Variants in NRARP observed in about 807,000 individuals in gnomAD.
NRARP encodes NOTCH regulated ankyrin repeat protein.
For missense variants in NRARP, 83 were observed against 161.1 expected (o/e 0.52, Z 2.62); for synonymous variants, 81 against 77.4 (o/e 1.05, Z -0.25).
In NRARP at chr9:137,300,690, T is replaced by TC. The variant is rs1830941035; in HGVS notation, c.*893_*894insG. The TC allele has an allele frequency of 6.8e-6, 1 of 147,064 alleles. No homozygotes were observed. The highest frequency in any genetic ancestry group is 2.2e-4 in the South Asian group (1 of 4,546). 9.1% of individuals were successfully genotyped at this position (147,064 alleles called of 1,614,324 possible). On this transcript the variant is annotated 3_prime_UTR_variant, in exon 1 of 1. Transcript: ENST00000356628. ...GGGGAAACTGCAAAACAAGCCGGTT[T>TC]GGGGGATGGTGGCCTCATCCAGGAG...
rs1414977937 is a variant in NRARP, at chr9:137,301,595, T to C, written c.334A>G (p.Ser112Gly). Residue 112 changes from serine (S) to glycine (G), a missense_variant, in exon 1 of 1, where the codon AGC becomes GGC. Physicochemically the swap from Ser to Gly is moderately conservative, Grantham distance 56. Transcript: ENST00000356628. This position sits in a 1 kb window ranked among gnomAD's most constrained non-coding sequence, Gnocchi z 9.1. Reference protein sequence around the residue: ...YLITKAKYAASGR With the variant: ...YLITKAKYAAGGR ...GGTCCCGGCGGGCATCACCGGCCGC[T>C]GGCCGCGTACTTCGCCTTGGTGATG... The C allele has an allele frequency of 6.4e-7, 1 of 1,568,318 alleles. No individual in the cohort carries two copies. Among genetic ancestry groups the C allele is most frequent in the East Asian group, 2.3e-5 (1 of 42,888 alleles).
rs1420816633 is a variant in NRARP, at chr9:137,301,857, C to T, written c.72G>A (p.Lys24=). The T allele has an allele frequency of 1.3e-6, 2 of 1,594,350 alleles. No individual in the cohort carries two copies. Among genetic ancestry groups the T allele is most frequent in the Non-Finnish European group, 1.7e-6 (2 of 1,175,338 alleles). The change falls in exon 1 of 1, where the codon AAG becomes AAA. Residue 24 remains lysine (K), a synonymous_variant. Coordinates refer to ENST00000356628, the MANE Select transcript of NRARP (RefSeq NM_001004354.3). This position sits in a 1 kb window ranked among gnomAD's most constrained non-coding sequence, Gnocchi z 9.1. ...TQRIFQEAVR[K]GNTQELQSLL... is the part of the protein sequence containing the mutation. ...GCGACTGCAGCTCCTGCGTGTTGCC[C>T]TTGCGCACAGCCTCCTGGAAGATGC...
chr9:137,301,818 C>G lies in NRARP; in HGVS notation c.111G>C (p.Met37Ile). 6.2e-7 allele frequency: 1 copy of G among 1,604,798 alleles called. No individual in the cohort carries two copies. The change falls in exon 1 of 1, where the codon ATG becomes ATC. Residue 37 changes from methionine to isoleucine, a missense_variant. By Grantham distance (10) the Met-to-Ile change is conservative. Transcript: ENST00000356628. The surrounding 1 kb of genome is among the most constrained non-coding windows in gnomAD (Gnocchi z 9.1). ...AGTTCACGTTGAACTCGCAGTTGGT[C>G]ATGTTCTGCAGCAGCGACTGCAGCT... ...TQELQSLLQN[M>I]TNCEFNVNSF...
At position 137,300,062 on chromosome 9, in the gene NRARP, T is replaced by C. The variant is rs1307991205; in HGVS notation, c.*1522A>G. 6.6e-6 allele frequency among the ~76,000 whole-genome samples: 1 copy of C among 152,198 alleles called. No individual in the cohort carries two copies. The highest frequency in any genetic ancestry group is 1.5e-5 in the Non-Finnish European group (1 of 68,040). The stretch of plus-strand genomic sequence containing the variant: ...GCACGAAGGGTCAGCAGCACTTCCA[T>C]GAAGGGGAAACCTCATTTAAATTTG... On this transcript the variant is annotated 3_prime_UTR_variant, in exon 1 of 1. Coordinates refer to ENST00000356628, the MANE Select transcript of NRARP (RefSeq NM_001004354.3).
In NRARP at chr9:137,299,819, C is replaced by T. The variant is rs1432106066; in HGVS notation, c.*1765G>A. ...CCTAGAAAGTCTTAACATTAATTAA[C>T]ATAATTAAAAAGGTATTTGCATCTA... On this transcript the variant is annotated 3_prime_UTR_variant, in exon 1 of 1. Transcript: ENST00000356628. Among the ~76,000 whole-genome samples the T allele has an allele frequency of 6.6e-6, 1 of 152,134 alleles. No individual in the cohort carries two copies. Among genetic ancestry groups the T allele is most frequent in the East Asian group, 1.9e-4 (1 of 5,198 alleles).
chr9:137,302,073 C>G lies in NRARP; in HGVS notation c.-145G>C, dbSNP rs1179598621. On this transcript the variant is annotated 5_prime_UTR_variant, in exon 1 of 1. Coordinates refer to ENST00000356628, the MANE Select transcript of NRARP (RefSeq NM_001004354.3). This position sits in a 1 kb window ranked among gnomAD's most constrained non-coding sequence, Gnocchi z 4.8. ...CCCCGCACGCCGCCTCTGGGCGCTC[C>G]GGGCGCTCGGGGCCGGGGGTCGCCG... The G allele has an allele frequency of 5.8e-6, 1 of 171,512 alleles. No individual in the cohort carries two copies. The highest frequency in any genetic ancestry group is 1.1e-5 in the Non-Finnish European group (1 of 89,328). The allele number at this position is 171,512 out of a possible 1,614,324, so 10.6% of individuals were successfully genotyped here. A position where few individuals can be genotyped will look rare whatever the true frequency, so the allele number is the denominator to read the frequency against.
chr9:137,302,077 C>T lies in NRARP; in HGVS notation c.-149G>A, dbSNP rs986548363. 1 of 167,796 alleles carries T rather than the reference C, an allele frequency of 6.0e-6. No homozygotes were observed. The highest frequency in any genetic ancestry group is 1.2e-5 in the Non-Finnish European group (1 of 85,982). The allele number at this position is 167,796 out of a possible 1,614,324, so 10.4% of individuals were successfully genotyped here. The stretch of plus-strand genomic sequence containing the variant: ...GCACGCCGCCTCTGGGCGCTCCGGG[C>T]GCTCGGGGCCGGGGGTCGCCGCCGC... On this transcript the variant is annotated 5_prime_UTR_variant, in exon 1 of 1. Coordinates refer to ENST00000356628, the MANE Select transcript of NRARP (RefSeq NM_001004354.3). The surrounding 1 kb of genome is among the most constrained non-coding windows in gnomAD (Gnocchi z 4.8).
rs1204023528 is a variant in NRARP at position 137,301,750 on chromosome 9, A to G, written c.179T>C (p.Ile60Thr). 6.2e-7 allele frequency: 1 copy of G among 1,610,964 alleles called. No individual in the cohort carries two copies. Among genetic ancestry groups the G allele is most frequent in the Non-Finnish European group, 8.5e-7 (1 of 1,179,682 alleles). The change falls in exon 1 of 1, where the codon ATC becomes ACC. Residue 60 changes from isoleucine (I) to threonine (T), a missense_variant. Transcript: ENST00000356628. The surrounding 1 kb of genome is among the most constrained non-coding windows in gnomAD (Gnocchi z 9.1). ...EGQTALHQSVIDGNLELVKLL... is the reference protein window; with the variant it reads ...EGQTALHQSVTDGNLELVKLL... ...CTTCACGAGCTCCAGGTTGCCGTCGATGACCGACTGGTGCAGCGCCGTCTG... is the reference window on the plus strand; with the variant it reads ...CTTCACGAGCTCCAGGTTGCCGTCGGTGACCGACTGGTGCAGCGCCGTCTG...
Position 137,301,938 on chromosome 9 carries a change from G to A in NRARP, c.-10C>T, listed in dbSNP as rs781745902. The A allele has an allele frequency of 1.5e-5, 20 of 1,320,368 alleles. No homozygotes were observed. The highest frequency in any genetic ancestry group is 2.1e-5 in the South Asian group (1 of 48,316). The allele number at this position is 1,320,368 out of a possible 1,614,324, so 81.8% of individuals were successfully genotyped here. A position where few individuals can be genotyped will look rare whatever the true frequency, so the allele number is the denominator to read the frequency against. ...GCTCGGCCTGGCTCATGCTGCCGCCGGGCGCGGGCCGCGGGCCGGGCCGGG... is the reference window on the plus strand; with the variant it reads ...GCTCGGCCTGGCTCATGCTGCCGCCAGGCGCGGGCCGCGGGCCGGGCCGGG... On this transcript the variant is annotated 5_prime_UTR_variant, in exon 1 of 1. Coordinates refer to ENST00000356628, the MANE Select transcript of NRARP (RefSeq NM_001004354.3). The surrounding 1 kb of genome is among the most constrained non-coding windows in gnomAD (Gnocchi z 9.1).
rs1490752277 is a variant in NRARP at position 137,299,820 on chromosome 9, A to G, written c.*1764T>C. On this transcript the variant is annotated 3_prime_UTR_variant, in exon 1 of 1. Transcript: ENST00000356628. ...CTAGAAAGTCTTAACATTAATTAAC[A>G]TAATTAAAAAGGTATTTGCATCTAG... is the stretch of plus-strand genomic sequence containing the variant. Among the ~76,000 whole-genome samples the G allele has an allele frequency of 6.6e-6, 1 of 152,234 alleles. No homozygotes were observed. The highest frequency in any genetic ancestry group is 1.9e-4 in the East Asian group (1 of 5,206).
rs1396753419 is a variant in NRARP, at chr9:137,299,940, C to G, written c.*1644G>C. On this transcript the variant is annotated 3_prime_UTR_variant, in exon 1 of 1. Transcript: ENST00000356628. ...ACATTATCAATATATTCTTCTCACA[C>G]AAAGTTTTATAAAAAGCGACGGAGG... Among the ~76,000 whole-genome samples the G allele has an allele frequency of 6.6e-6, 1 of 152,100 alleles. No individual in the cohort carries two copies. The highest frequency in any genetic ancestry group is 1.5e-5 in the Non-Finnish European group (1 of 68,012).
In NRARP at chr9:137,301,882, C is replaced by T. The variant is rs80030638; in HGVS notation, c.47G>A (p.Arg16His). Residue 16 changes from arginine to histidine, a missense_variant, in exon 1 of 1, where the codon CGC (arginine) becomes CAC (histidine). Coordinates refer to ENST00000356628, the MANE Select transcript of NRARP (RefSeq NM_001004354.3). The surrounding 1 kb of genome is among the most constrained non-coding windows in gnomAD (Gnocchi z 9.1). ...CTTGCGCACAGCCTCCTGGAAGATG[C>T]GCTGCGTCTGCGGCGCGGAGCAGGT... ...LSTCSAPQTQ[R>H]IFQEAVRKGN... 5.1e-6 allele frequency: 8 copies of T among 1,572,286 alleles called. No individual in the cohort carries two copies. The highest frequency in any genetic ancestry group is 4.7e-5 in the East Asian group (2 of 42,752).
At position 137,301,846 on chromosome 9, in the gene NRARP, T is replaced by A. The variant is rs762483919; in HGVS notation, c.83A>T (p.Gln28Leu). The change falls in exon 1 of 1, where the codon CAG becomes CTG. Residue 28 changes from glutamine to leucine, a missense_variant. Coordinates refer to ENST00000356628, the MANE Select transcript of NRARP (RefSeq NM_001004354.3). The surrounding 1 kb of genome is among the most constrained non-coding windows in gnomAD (Gnocchi z 9.1). Reference sequence around the variant, plus strand: ...GTTCTGCAGCAGCGACTGCAGCTCCTGCGTGTTGCCCTTGCGCACAGCCTC... The same window carrying A: ...GTTCTGCAGCAGCGACTGCAGCTCCAGCGTGTTGCCCTTGCGCACAGCCTC... The part of the protein sequence containing the change: ...FQEAVRKGNT[Q>L]ELQSLLQNMT... The A allele has an allele frequency of 1.7e-5, 27 of 1,599,320 alleles. No homozygotes were observed. The highest frequency in any genetic ancestry group is 2.1e-5 in the Non-Finnish European group (25 of 1,178,240).
chr9:137,300,045 G>GGTCAGCA lies in NRARP; in HGVS notation c.*1532_*1538dup, dbSNP rs1830932594. The stretch of plus-strand genomic sequence containing the variant: ...AAGTGCTCCCCATTTCTGCACGAAG[G>GGTCAGCA]GTCAGCAGCACTTCCATGAAGGGGA... On this transcript the variant is annotated 3_prime_UTR_variant, in exon 1 of 1. Transcript: ENST00000356628. Among the ~76,000 whole-genome samples the GGTCAGCA allele has an allele frequency of 6.6e-6, 1 of 152,120 alleles. No individual in the cohort carries two copies.
rs776162320 is a variant in NRARP at position 137,301,568 on chromosome 9, G to GGGGTCCC, written c.*9_*15dup. 40 of 1,538,080 alleles carry GGGGTCCC rather than the reference G, an allele frequency of 2.6e-5. 1 individual carries two copies. The Admixed American group carries it at 6.6e-4, about 25-fold the overall frequency. On this transcript the variant is annotated 3_prime_UTR_variant, in exon 1 of 1. Coordinates refer to ENST00000356628, the MANE Select transcript of NRARP (RefSeq NM_001004354.3). The surrounding 1 kb of genome is among the most constrained non-coding windows in gnomAD (Gnocchi z 9.1). Reference sequence around the variant, plus strand: ...CGACGCGGGCGCAGGGCCGGGGTCCGGGGTCCCGGCGGGCATCACCGGCCG... The same window carrying GGGGTCCC: ...CGACGCGGGCGCAGGGCCGGGGTCCGGGGTCCCGGGTCCCGGCGGGCATCACCGGCCG...
In NRARP at chr9:137,301,610, C is replaced by G. The variant is rs1830956424; in HGVS notation, c.319G>C (p.Ala107Pro). ...CACCGGCCGCTGGCCGCGTACTTCG[C>G]CTTGGTGATGAGATAGAGCACGATG... ...QDIVLYLITKAKYAASGR is the reference protein window; with the variant it reads ...QDIVLYLITKPKYAASGR The change falls in exon 1 of 1, where the codon GCG (alanine) becomes CCG (proline). Residue 107 changes from alanine (A) to proline (P), a missense_variant. By Grantham distance (27) the Ala-to-Pro change is conservative (BLOSUM62 -1). Coordinates refer to ENST00000356628, the MANE Select transcript of NRARP (RefSeq NM_001004354.3). This position sits in a 1 kb window ranked among gnomAD's most constrained non-coding sequence, Gnocchi z 9.1. 6.3e-7 allele frequency: 1 copy of G among 1,592,604 alleles called. No homozygotes were observed. The highest frequency in any genetic ancestry group is 1.7e-5 in the Admixed American group (1 of 58,958).
rs1401612614 is a variant in NRARP, at chr9:137,301,195, C to T, written c.*389G>A. 1 of 151,998 alleles carries T rather than the reference C, an allele frequency of 6.6e-6. No homozygotes were observed. The highest frequency in any genetic ancestry group is 1.5e-5 in the Non-Finnish European group (1 of 67,958). 9.4% of individuals were successfully genotyped at this position (151,998 alleles called of 1,614,324 possible). A position where few individuals can be genotyped will look rare whatever the true frequency, so the allele number is the denominator to read the frequency against. ...CGGCGGAGCGCTCCGAGTCCGCCTTCGGCTCCCGCCGCCCGCCTTTCACCT... is the reference window on the plus strand; with the variant it reads ...CGGCGGAGCGCTCCGAGTCCGCCTTTGGCTCCCGCCGCCCGCCTTTCACCT... On this transcript the variant is annotated 3_prime_UTR_variant, in exon 1 of 1. Transcript: ENST00000356628. The surrounding 1 kb of genome is among the most constrained non-coding windows in gnomAD (Gnocchi z 9.1).
rs1029897470 is a variant in NRARP at position 137,300,643 on chromosome 9, G to C, written c.*941C>G. The stretch of plus-strand genomic sequence containing the variant: ...CCCCGTGTCCCCGCCACCCTCGAGC[G>C]CCAGCGAGCTTCCAGGATCCTGGGG... On this transcript the variant is annotated 3_prime_UTR_variant, in exon 1 of 1. Transcript: ENST00000356628. 6.6e-6 allele frequency: 1 copy of C among 151,962 alleles called. No homozygotes were observed. Among genetic ancestry groups the C allele is most frequent in the Non-Finnish European group, 1.5e-5 (1 of 67,998 alleles). The allele number at this position is 151,962 out of a possible 1,614,324, so 9.4% of individuals were successfully genotyped here. A position where few individuals can be genotyped will look rare whatever the true frequency, so the allele number is the denominator to read the frequency against.
In NRARP at chr9:137,299,832, G is replaced by A. The variant is rs1179008654; in HGVS notation, c.*1752C>T. Reference sequence around the variant, plus strand: ...AACATTAATTAACATAATTAAAAAGGTATTTGCATCTAGAAAAAATATACA... The same window carrying A: ...AACATTAATTAACATAATTAAAAAGATATTTGCATCTAGAAAAAATATACA... On this transcript the variant is annotated 3_prime_UTR_variant, in exon 1 of 1. Coordinates refer to ENST00000356628, the MANE Select transcript of NRARP (RefSeq NM_001004354.3). 6.6e-6 allele frequency among the ~76,000 whole-genome samples: 1 copy of A among 152,114 alleles called. No individual in the cohort carries two copies.
Sources: allele counts gnomAD v4.1 joint callset (sites outside exome capture counted in the v4.1 genomes callset), GRCh38; gene constraint gnomAD v4.1.1; non-coding constraint Gnocchi (gnomAD v3.1); transcripts MANE v1.5; gene names NCBI Gene and HGNC (gene_info 2026-07-23, HGNC 2026-07-21).